The following TBC1D19 variants were observed in gnomAD, a reference collection of about 807,000 sequenced individuals.
TBC1D19 encodes TBC1 domain family, member 19.
TBC1D19 carries 60 observed loss-of-function variants against 89.0 expected under a neutral mutation model. That is an observed-to-expected ratio of 0.67 (90% CI 0.55 to 0.84). TBC1D19 has a LOEUF of 0.84. TBC1D19 is among the 40% of genes least tolerant of loss of function. TBC1D19 has a pLI of 0.00. For synonymous variants in TBC1D19, 189 were observed against 199.7 expected (o/e 0.95, Z 0.45); for missense variants, 500 against 610.8 (o/e 0.82, Z 1.91).
At chr4:26,727,478 G>T (rs969073897) in intron 15 of TBC1D19, among the ~76,000 whole-genome samples, 3 of 152,170 alleles carry the variant, frequency 2.0e-5, no homozygotes, top group Non-Finnish European at 4.4e-5. Flanking sequence ...ATATGTTAAT[G>T]TGGCACTTTG....
At chr4:26,829,726 G>T in the TBC1D19 span, among the ~76,000 whole-genome samples, 2 of 152,180 alleles carry the variant, frequency 1.3e-5, no homozygotes, top group South Asian at 4.1e-4. Flanking sequence ...GGCAGGTAAG[G>T]TTTGTTCATT....
At chr4:26,605,425 T>C (rs1344467308) in intron 1 of TBC1D19, among the ~76,000 whole-genome samples, 6 of 151,916 alleles carry the variant, frequency 3.9e-5, no homozygotes, top group Non-Finnish European at 8.8e-5. Flanking sequence ...GGTGTATATG[T>C]GCCACATTTT....
At chr4:26,698,721 C>T (rs1715036675) in intron 13 of TBC1D19, among the ~76,000 whole-genome samples, 1 of 152,072 alleles carries the variant, frequency 6.6e-6, no homozygotes, top group Admixed American at 6.6e-5. Context: ...CATTTACAAC[C>T]ATCTGATCTT....
chr4:26,659,453 C>A, intron 7 of TBC1D19, 144 bp from the exon 8 acceptor site: 1 of 463,144 alleles, frequency 2.2e-6, no homozygotes, highest in South Asian at 5.2e-5. Flanking sequence ...TACTTTTATA[C>A]TATTTTAGAA....
chr4:26,712,436 C>A (rs1393155691), intron 13 of TBC1D19, among the ~76,000 whole-genome samples: 2 of 152,060 alleles, frequency 1.3e-5, no homozygotes, highest in African/African-American at 4.8e-5. Context: ...CAGAGAGCAT[C>A]ATCACATCTC....
At chr4:26,696,181 A>G (rs1275967721) in intron 13 of TBC1D19, among the ~76,000 whole-genome samples, 5 of 152,218 alleles carry the variant, frequency 3.3e-5, no homozygotes, top group African/African-American at 4.8e-5. Context: ...AAGCAAATGG[A>G]CAACAAAAAA....
At chr4:26,634,733 C>T (rs1298614743) in intron 4 of TBC1D19, among the ~76,000 whole-genome samples, 2 of 152,040 alleles carry the variant, frequency 1.3e-5, no homozygotes, top group Non-Finnish European at 2.9e-5. Flanking sequence ...CTACTAGTAT[C>T]TACATATATT....
intron 13 of TBC1D19, among the ~76,000 whole-genome samples, chr4:26,689,517 C>A (rs556480943): frequency 2.0e-4 from 31 of 152,170 alleles, no homozygotes; most frequent in African/African-American, 6.7e-4. Context: ...TTTGTGGCAA[C>A]CCTGCATTGA....
chr4:26,593,486 A>G (rs1739970603), intron 1 of TBC1D19, among the ~76,000 whole-genome samples: 1 of 152,214 alleles, frequency 6.6e-6, no homozygotes, highest in Non-Finnish European at 1.5e-5. Context: ...AAAATTGACA[A>G]ATGTGATCTA....
intron 7 of TBC1D19, among the ~76,000 whole-genome samples, chr4:26,651,821 T>C (rs891913347): frequency 3.3e-5 from 5 of 152,262 alleles, no homozygotes; most frequent in African/African-American, 1.2e-4. Context: ...CCAGTTTTTG[T>C]CCATTCAGTA....
At chr4:26,842,588 CTTTCTTTCTTTCTTTCTTTCTTTCTTT>C in the TBC1D19 span, among the ~76,000 whole-genome samples, 1 of 104,736 alleles carries the variant, frequency 9.5e-6, no homozygotes, top group Non-Finnish European at 1.8e-5. Flanking sequence ...CCCTCCCTTT[CTTTCTTTCTTTCTTTCTTTCTTTCTTT>C]CTTTCTTTCT....
At chr4:26,842,618 T>TTCTTTCTTTC in the TBC1D19 span, among the ~76,000 whole-genome samples, 3 of 145,536 alleles carry the variant, frequency 2.1e-5, no homozygotes, top group Admixed American at 2.1e-4. Context: ...CTTTCTTTCT[T>TTCTTTCTTTC]TCTTTCTTTC....
intron 3 of TBC1D19, among the ~76,000 whole-genome samples, chr4:26,617,619 T>G (rs1175156981): frequency 6.6e-6 from 1 of 152,172 alleles, no homozygotes; most frequent in Non-Finnish European, 1.5e-5. Flanking sequence ...ACATGACAAA[T>G]ATTTGTTGAG....
At chr4:26,628,706 A>G (rs1304525609) in intron 4 of TBC1D19, among the ~76,000 whole-genome samples, 1 of 152,096 alleles carries the variant, frequency 6.6e-6, no homozygotes, top group Non-Finnish European at 1.5e-5. Context: ...GCATTCTTAT[A>G]CACCAATAAC....
At position 26,756,018 on chromosome 4, in the gene TBC1D19, T is replaced by C. The variant is rs1371198693; in HGVS notation, c.*1071T>C. ...TTTAGTTTCAAATTTAAGATGCTGA[T>C]CACTTCACTAAAACTGTAAATCAGT... On this transcript the variant is annotated 3_prime_UTR_variant, in exon 21 of 21. Coordinates refer to ENST00000264866, the MANE Select transcript of TBC1D19 (RefSeq NM_018317.4). 6.6e-6 allele frequency among the ~76,000 whole-genome samples: 1 copy of C among 152,246 alleles called. No homozygotes were observed. Among genetic ancestry groups the C allele is most frequent in the Non-Finnish European group, 1.5e-5 (1 of 68,038 alleles).
At chr4:26,678,553 A>G (rs1268464262) in intron 11 of TBC1D19, among the ~76,000 whole-genome samples, 1 of 151,696 alleles carries the variant, frequency 6.6e-6, no homozygotes, top group African/African-American at 2.4e-5. Flanking sequence ...ACCTCAGATG[A>G]CATAGACAAA....
At chr4:26,796,827 CAGAA>C in the TBC1D19 span, among the ~76,000 whole-genome samples, 2 of 152,064 alleles carry the variant, frequency 1.3e-5, no homozygotes, top group African/African-American at 4.8e-5. Context: ...TTTACAGACA[CAGAA>C]AGCATATCTG....
intron 13 of TBC1D19, among the ~76,000 whole-genome samples, chr4:26,717,483 CCTTT>C (rs1202474412): frequency 6.6e-6 from 1 of 152,066 alleles, no homozygotes; most frequent in Non-Finnish European, 1.5e-5. Flanking sequence ...CTGCTGCTGT[CCTTT>C]CTAAGTACCA....
chr4:26,710,601 C>T (rs893310027), intron 13 of TBC1D19, among the ~76,000 whole-genome samples: 1 of 152,166 alleles, frequency 6.6e-6, no homozygotes, highest in African/African-American at 2.4e-5. Context: ...CCTGAGGAAT[C>T]ACCACACCGA....
Sources: allele counts gnomAD v4.1 joint callset (sites outside exome capture counted in the v4.1 genomes callset), GRCh38; gene constraint gnomAD v4.1.1; transcripts MANE v1.5; gene names NCBI Gene and HGNC (gene_info 2026-07-23, HGNC 2026-07-21).